NOX4: variants seen among roughly 807,000 people sequenced by gnomAD.
The protein encoded by NOX4 is kidney oxidase-1.
In NOX4, 69 loss-of-function variants were observed where a neutral mutation model predicts 87.6. The observed-to-expected ratio is 0.79, with a 90% confidence interval of 0.65 to 0.96. NOX4 has a LOEUF of 0.96. Ranked by LOEUF, NOX4 falls within the 40% of genes least tolerant of loss-of-function variation. The probability of loss-of-function intolerance (pLI) is 0.00; values close to 1 mark genes in which losing one functional copy is unlikely to be tolerated. For missense variants in NOX4, 680 were observed against 681.5 expected, an observed-to-expected ratio of 1.00 and a Z score of 0.02; for synonymous variants, 275 against 238.2, an observed-to-expected ratio of 1.15 and a Z score of -1.42.
chr11:89,424,022 G>A (rs1229505170), intron 7 of NOX4, among the ~76,000 whole-genome samples: 1 of 151,948 alleles, frequency 6.6e-6, no homozygotes, highest in African/African-American at 2.4e-5. Context: ...GCATTGAGCT[G>A]TAATCTTATC....
chr11:89,551,324 T>C, the NOX4 span, among the ~76,000 whole-genome samples: 1 of 152,362 alleles, frequency 6.6e-6, no homozygotes, highest in South Asian at 2.1e-4. Flanking sequence ...GTAGTTTTTT[T>C]CTCATTCTGT....
At chr11:89,491,390 C>CCGGGCTGGCT, upstream of NOX4, 1 of 750,900 alleles carries the variant, frequency 1.3e-6, no homozygotes, top group Non-Finnish European at 2.0e-6. Context: ...GCCCGAAGGC[C>CCGGGCTGGCT]CGGCGCCGAG....
intron 8 of NOX4, among the ~76,000 whole-genome samples, chr11:89,421,679 C>T (rs572839814): frequency 9.2e-5 from 14 of 152,170 alleles, no homozygotes; most frequent in African/African-American, 2.9e-4. Context: ...AGAGGTAATT[C>T]TAGCTTTTAA....
At chr11:89,376,396 A>T (rs1939837382) in intron 11 of NOX4, among the ~76,000 whole-genome samples, 1 of 152,232 alleles carries the variant, frequency 6.6e-6, no homozygotes, top group Non-Finnish European at 1.5e-5. Context: ...TGCCTAGATC[A>T]CATTGTGGTG....
At chr11:89,394,811 G>T (rs1222794595) in intron 11 of NOX4, among the ~76,000 whole-genome samples, 2 of 152,060 alleles carry the variant, frequency 1.3e-5, no homozygotes, top group African/African-American at 2.4e-5. Flanking sequence ...CTTCATCCAT[G>T]GCCCTACAAA....
intron 11 of NOX4, among the ~76,000 whole-genome samples, chr11:89,399,527 G>A (rs1941701634): frequency 6.8e-6 from 1 of 146,252 alleles, no homozygotes; most frequent in South Asian, 2.2e-4. Context: ...GCAGTGGTGG[G>A]ATCAAGGCTC....
chr11:89,381,567 C>A (rs533408383), intron 11 of NOX4, among the ~76,000 whole-genome samples: 1 of 152,294 alleles, frequency 6.6e-6, no homozygotes, highest in South Asian at 2.1e-4. Context: ...CCTACCTTGG[C>A]TCTCTTTTCA....
rs955859843 is a variant in NOX4 at position 89,366,071 on chromosome 11, T to A, written c.1135+7361A>T. On this transcript the variant is annotated intron_variant, in intron 12 of 17. Transcript: ENST00000263317. ...CTTGTCCTTTTGCTTCCTTTGAAAT[T>A]ACTTAGTCCATTAACGCTAGGCTCA... Among the ~76,000 whole-genome samples the A allele has an allele frequency of 6.9e-4, 105 of 152,258 alleles. 1 individual carries two copies. Among genetic ancestry groups the A allele is most frequent in the African/African-American group, 2.4e-3 (99 of 41,574 alleles).
rs189166024 is a variant in NOX4 at position 89,366,491 on chromosome 11, C to T, written c.1135+6941G>A. On this transcript the variant is annotated intron_variant, in intron 12 of 17. Transcript: ENST00000263317. ...CCAGGAGTTTGATTAGCCTGAGCAA[C>T]ATGGCAAAACCCTGCCTCTACAAAA... 5.3e-5 allele frequency among the ~76,000 whole-genome samples: 8 copies of T among 152,042 alleles called. No homozygotes were observed. In the Middle Eastern group the frequency reaches 0.01, roughly 194 times the overall value.
At chr11:89,548,752 C>T in the NOX4 span, 3 of 152,168 alleles carry the variant, frequency 2.0e-5, no homozygotes, top group Non-Finnish European at 4.4e-5. Flanking sequence ...GAACCTTCAC[C>T]AAAATCTGGT....
intron 4 of NOX4, among the ~76,000 whole-genome samples, chr11:89,444,676 C>T (rs977013787): frequency 6.6e-6 from 1 of 152,070 alleles, no homozygotes; most frequent in South Asian, 2.1e-4. Flanking sequence ...TTGCATACTT[C>T]CCTACCCCAT....
the NOX4 span, chr11:89,576,895 T>A: frequency 1.3e-5 from 2 of 152,122 alleles, no homozygotes; most frequent in Non-Finnish European, 1.5e-5. Context: ...CAAAACAAAT[T>A]CTTTAACTTC....
At chr11:89,398,082 AC>A (rs1941604783) in intron 11 of NOX4, among the ~76,000 whole-genome samples, 1 of 152,112 alleles carries the variant, frequency 6.6e-6, no homozygotes, top group Non-Finnish European at 1.5e-5. Context: ...ATACTGGCAA[AC>A]CGAATCCAAC....
chr11:89,552,454 G>A, the NOX4 span, among the ~76,000 whole-genome samples: 58 of 152,042 alleles, frequency 3.8e-4, no homozygotes, highest in African/African-American at 1.4e-3. Context: ...CTCTATTATG[G>A]AAACCTTATA....
chr11:89,567,623 A>C, the NOX4 span, among the ~76,000 whole-genome samples: 1 of 152,280 alleles, frequency 6.6e-6, no homozygotes, highest in Admixed American at 6.5e-5. Flanking sequence ...AGCCTCTTAT[A>C]AAACCATCAG....
intron 3 of NOX4, among the ~76,000 whole-genome samples, chr11:89,451,074 G>T (rs141697822): frequency 8.6e-6 from 1 of 116,888 alleles, no homozygotes; most frequent in Non-Finnish European, 1.7e-5. Flanking sequence ...GGGGTGGGGG[G>T]AGGGGGGAGG....
the NOX4 span, among the ~76,000 whole-genome samples, chr11:89,544,191 T>A: frequency 6.6e-6 from 1 of 152,176 alleles, no homozygotes; most frequent in Non-Finnish European, 1.5e-5. Context: ...TCTACTCTGC[T>A]AAGCCTATTC....
At chr11:89,341,017 T>C (rs1057152900) in intron 14 of NOX4, among the ~76,000 whole-genome samples, 2 of 152,126 alleles carry the variant, frequency 1.3e-5, no homozygotes, top group Non-Finnish European at 2.9e-5. Context: ...CTTTCTACTT[T>C]CATTTTGCTT....
chr11:89,375,346 C>T (rs377297896), intron 11 of NOX4, among the ~76,000 whole-genome samples: 1 of 152,182 alleles, frequency 6.6e-6, no homozygotes, highest in South Asian at 2.1e-4. Context: ...TACTCTGTCA[C>T]CCAGGCTGGA....
Sources: gnomAD v4.1 joint callset for allele counts (sites outside exome capture counted in the v4.1 genomes callset) on GRCh38, gnomAD v4.1.1 for gene constraint, MANE v1.5 for transcripts, NCBI Gene and HGNC (gene_info 2026-07-23, HGNC 2026-07-21) for gene names.